TRPM4: variants seen among roughly 807,000 people sequenced by gnomAD.
TRPM4 encodes the protein calcium-activated non-selective cation channel 1.
Under a neutral mutation model 135.6 loss-of-function variants are expected in TRPM4, and 124 were observed. The observed-to-expected ratio is 0.91, with a 90% CI of 0.79 to 1.06. TRPM4 has a LOEUF of 1.06. Ranked by LOEUF, TRPM4 falls within the 50% of genes least tolerant of loss-of-function variation. TRPM4 has a pLI of 0.00. For synonymous variants in TRPM4, 745 were observed against 705.6 expected, an observed-to-expected ratio of 1.06 and a Z score of -0.88; for missense variants, 1,658 against 1,671.4, an observed-to-expected ratio of 0.99 and a Z score of 0.14.
In TRPM4 at chr19:49,171,388, C is replaced by T; in HGVS notation, c.828C>T (p.Leu276=). The T allele has an allele frequency of 6.2e-7, 1 of 1,614,080 alleles. No homozygotes were observed. Among genetic ancestry groups the T allele is most frequent in the Non-Finnish European group, 8.5e-7 (1 of 1,180,038 alleles). Residue 276 remains leucine, a synonymous_variant, in exon 7 of 25, where the codon CTC becomes CTT. Coordinates refer to ENST00000252826, the MANE Select transcript of TRPM4 (RefSeq NM_017636.4). This position sits in a 1 kb window ranked among gnomAD's most constrained non-coding sequence, Gnocchi z 4.7. ...GAATTGACATCCCTGTCCTGCTCCTCCTGATTGATGGTGATGAGAAGATGT... is the reference window on the plus strand; with the variant it reads ...GAATTGACATCCCTGTCCTGCTCCTTCTGATTGATGGTGATGAGAAGATGT... ...GTGIDIPVLL[L]LIDGDEKMLT...
intron 16 of TRPM4, among the ~76,000 whole-genome samples, chr19:49,192,836 C>CAA (rs539540327): frequency 3.3e-5 from 5 of 151,046 alleles, no homozygotes; most frequent in Admixed American, 6.6e-5. Flanking sequence ...AAATAAACGT[C>CAA]AAAAAATAAA....
At chr19:49,208,244 G>A (rs111731532) in intron 20 of TRPM4, among the ~76,000 whole-genome samples, 8,455 of 152,140 alleles carry the variant, frequency 0.056, 701 homozygotes, top group African/African-American at 0.17. Context: ...ACAGGGAGAC[G>A]GTTAGGCCCC....
At position 49,200,426 on chromosome 19, in the gene TRPM4, C is replaced by T. The variant is rs1968872625; in HGVS notation, c.2772C>T (p.Ser924=). The T allele has an allele frequency of 6.8e-7, 1 of 1,466,494 alleles. No individual in the cohort carries two copies. 90.8% of individuals were successfully genotyped at this position (1,466,494 alleles called of 1,614,324 possible). A position where few individuals can be genotyped will look rare whatever the true frequency, so the allele number is the denominator to read the frequency against. Residue 924 remains serine, a synonymous_variant, in exon 18 of 25, where the codon AGC becomes AGT. Transcript: ENST00000252826. ...KQLGPKIVIV[S]KMMKDVFFFL... Reference sequence around the variant, plus strand: ...TGGGGCCCAAGATCGTCATCGTGAGCAAGATGGTGAGGCAGGGGCGGGGCC... The same window carrying T: ...TGGGGCCCAAGATCGTCATCGTGAGTAAGATGGTGAGGCAGGGGCGGGGCC...
chr19:49,196,510 G>A lies in TRPM4; in HGVS notation c.2281G>A (p.Gly761Ser). The part of the protein sequence containing the change: ...RQSGRPGCCG[G>S]RCGGRRCLRR... Reference sequence around the variant, plus strand: ...GTCGGGCCGTCCGGGTTGCTGCGGGGGCCGCTGCGGGGGGCGCCGGTGCCT... The same window carrying A: ...GTCGGGCCGTCCGGGTTGCTGCGGGAGCCGCTGCGGGGGGCGCCGGTGCCT... The change falls in exon 17 of 25, where the codon GGC becomes AGC. Residue 761 changes from glycine (G) to serine (S), a missense_variant. Physicochemically the swap from Gly to Ser is moderately conservative, Grantham distance 56. Transcript: ENST00000252826. 6.5e-7 allele frequency: 1 copy of A among 1,534,006 alleles called. No individual in the cohort carries two copies.
At chr19:49,163,629 C>A (rs1277426276) in intron 2 of TRPM4, among the ~76,000 whole-genome samples, 3 of 152,074 alleles carry the variant, frequency 2.0e-5, no homozygotes, top group Non-Finnish European at 2.9e-5. Context: ...GTAGCTGGAA[C>A]CACAGGCGTG....
Position 49,200,351 on chromosome 19 carries a change from C to T in TRPM4, c.2697C>T (p.Phe899=). 6.2e-7 allele frequency: 1 copy of T among 1,614,116 alleles called. No homozygotes were observed. Among genetic ancestry groups the T allele is most frequent in the Non-Finnish European group, 8.5e-7 (1 of 1,180,036 alleles). The stretch of plus-strand genomic sequence containing the variant: ...GCCGCACTGTCCTCTGCATCGACTT[C>T]ATGGTTTTCACGGTGCGGCTGCTTC... ...HLGRTVLCID[F]MVFTVRLLHI... The change falls in exon 18 of 25, where the codon TTC becomes TTT. Residue 899 remains phenylalanine, a synonymous_variant. Transcript: ENST00000252826.
Position 49,157,826 on chromosome 19 carries a change from CG to C in TRPM4, c.-37del. ...GAAGCAGAGCCGGCGGAGGGAGCGC[CG>C]GGGCCCTGGGCTGCAGGAGGTTGCG... is the stretch of plus-strand genomic sequence containing the variant. On this transcript the variant is annotated 5_prime_UTR_variant, in exon 1 of 25. Coordinates refer to ENST00000252826, the MANE Select transcript of TRPM4 (RefSeq NM_017636.4). 1 of 1,533,560 alleles carries C rather than the reference CG, an allele frequency of 6.5e-7. No homozygotes were observed. 95.0% of individuals were successfully genotyped at this position (1,533,560 alleles called of 1,614,324 possible).
intron 6 of TRPM4, among the ~76,000 whole-genome samples, chr19:49,169,886 A>C (rs886860814): frequency 9.2e-5 from 14 of 152,142 alleles, no homozygotes; most frequent in Non-Finnish European, 2.1e-4. Flanking sequence ...TTATCAAAAC[A>C]TGAACAAGAT....
At chr19:49,176,280 T>G (rs1222788656) in intron 9 of TRPM4, among the ~76,000 whole-genome samples, 2 of 152,116 alleles carry the variant, frequency 1.3e-5, no homozygotes, top group Non-Finnish European at 2.9e-5. Context: ...CAGGCTGGAG[T>G]GCAGTGGGAC....
At position 49,203,380 on chromosome 19, in the gene TRPM4, C is replaced by A. The variant is rs186248094; in HGVS notation, c.3131+1239C>A. ...ATTTTTAGTAGAGATGGGGTTTCACCGTGTTAGCCAGGATGGTTTCGATCT... is the reference window on the plus strand; with the variant it reads ...ATTTTTAGTAGAGATGGGGTTTCACAGTGTTAGCCAGGATGGTTTCGATCT... On this transcript the variant is annotated intron_variant, in intron 20 of 24. Coordinates refer to ENST00000252826, the MANE Select transcript of TRPM4 (RefSeq NM_017636.4). 3.9e-5 allele frequency among the ~76,000 whole-genome samples: 6 copies of A among 152,036 alleles called. No individual in the cohort carries two copies. The South Asian group carries it at 1.2e-3, about 32-fold the overall frequency.
At chr19:49,206,336 T>A (rs1969150004) in intron 20 of TRPM4, among the ~76,000 whole-genome samples, 1 of 152,186 alleles carries the variant, frequency 6.6e-6, no homozygotes, top group Non-Finnish European at 1.5e-5. Flanking sequence ...TTTTTCAAGA[T>A]TGTTTTGGCT....
chr19:49,200,179 GA>G, intron 17 of TRPM4, 120 bp from the exon 18 acceptor site: 1 of 1,475,116 alleles, frequency 6.8e-7, no homozygotes, highest in African/African-American at 1.4e-5. Flanking sequence ...GGGTGACTGG[GA>G]GGGTCCTGGT....
At chr19:49,170,824 G>A (rs1264796508) in intron 6 of TRPM4, among the ~76,000 whole-genome samples, 1 of 152,172 alleles carries the variant, frequency 6.6e-6, no homozygotes, top group Non-Finnish European at 1.5e-5. Context: ...GCTCACAGCT[G>A]TAATCCCAGC....
chr19:49,197,361 T>G lies in TRPM4; in HGVS notation c.2645+487T>G, dbSNP rs1968722244. On this transcript the variant is annotated intron_variant, in intron 17 of 24. Transcript: ENST00000252826. ...CTTTCTTTCTTTCTTTCTTTCTTTC[T>G]TTCTCTCTCTTTCTTTTCTTTCTTT... Among the ~76,000 whole-genome samples the G allele has an allele frequency of 2.9e-5, 3 of 102,480 alleles. No individual in the cohort carries two copies. In the South Asian group the frequency reaches 7.8e-4, roughly 27 times the overall value. 67.2% of individuals were successfully genotyped at this position (102,480 alleles called of 152,430 possible).
intron 20 of TRPM4, among the ~76,000 whole-genome samples, 191 bp downstream of exon 20, chr19:49,202,332 C>T (rs923598192): frequency 2.6e-5 from 4 of 152,146 alleles, no homozygotes; most frequent in African/African-American, 9.7e-5. Context: ...TCCCTGAGCC[C>T]AGGTTGAACT....
chr19:49,209,122 AT>A (rs749105111), intron 20 of TRPM4, among the ~76,000 whole-genome samples: 1 of 152,100 alleles, frequency 6.6e-6, no homozygotes, highest in Non-Finnish European at 1.5e-5. Context: ...GATAAATCCC[AT>A]TTCGTTATGG....
At chr19:49,158,433 C>G (rs2041561054) in intron 2 of TRPM4, 174 bp downstream of exon 2, 2 of 665,388 alleles carry the variant, frequency 3.0e-6, no homozygotes, top group East Asian at 5.1e-5. Flanking sequence ...GTAGACACCC[C>G]TCATTCCCCA....
intron 12 of TRPM4, 133 bp from the exon 13 acceptor site, chr19:49,188,508 C>A: frequency 7.7e-7 from 1 of 1,298,146 alleles, no homozygotes; most frequent in Non-Finnish European, 1.1e-6. Flanking sequence ...CATCTCCAAA[C>A]ATTACTTCAT....
chr19:49,170,324 G>A (rs1967403872), intron 6 of TRPM4, among the ~76,000 whole-genome samples: 2 of 152,090 alleles, frequency 1.3e-5, no homozygotes, highest in Non-Finnish European at 2.9e-5. Flanking sequence ...GAGTAGCTGG[G>A]ACTATAGGCA....
Sources: allele counts gnomAD v4.1 joint callset (sites outside exome capture counted in the v4.1 genomes callset), GRCh38; gene constraint gnomAD v4.1.1; non-coding constraint Gnocchi (gnomAD v3.1); transcripts MANE v1.5; gene names NCBI Gene and HGNC (gene_info 2026-07-23, HGNC 2026-07-21).